CLVS2: variants seen among roughly 807,000 people sequenced by gnomAD.
CLVS2 encodes the protein clavesin-2.
A neutral mutation model predicts 29.0 loss-of-function variants in CLVS2; 19 were observed. The observed-to-expected ratio is 0.66, with a 90% confidence interval of 0.46 to 0.96. The LOEUF (loss-of-function observed/expected upper bound fraction) is 0.96, where lower values mean the gene tolerates loss of function less well. Among genes scored for constraint, CLVS2 ranks in the 40% least tolerant of loss-of-function variants. The probability of loss-of-function intolerance (pLI) is 0.00; values close to 1 mark genes in which losing one functional copy is unlikely to be tolerated. For synonymous variants in CLVS2, 161 were observed against 151.3 expected (o/e 1.06, Z -0.47); for missense variants, 294 against 404.1 (o/e 0.73, Z 2.34).
rs1036170418 is a variant in CLVS2, at chr6:123,070,864, C to T, written c.*7103C>T. 5.9e-5 allele frequency: 9 copies of T among 151,948 alleles called. No homozygotes were observed. Among genetic ancestry groups the T allele is most frequent in the Admixed American group, 2.0e-4 (3 of 15,204 alleles). 9.4% of individuals were successfully genotyped at this position (151,948 alleles called of 1,614,324 possible). ...AAGCATGCCTCTACCTCAGGACTTT[C>T]GCATTTCTGTTCCCTTTGCCTCTAA... On this transcript the variant is annotated 3_prime_UTR_variant, in exon 6 of 6. Transcript: ENST00000275162.
intron 3 of CLVS2, among the ~76,000 whole-genome samples, chr6:123,011,360 C>T (rs944635657): frequency 2.0e-4 from 30 of 151,992 alleles, no homozygotes; most frequent in African/African-American, 7.0e-4. Context: ...GACACTAGTA[C>T]AGTGCTCCCT....
Position 123,053,826 on chromosome 6 carries a change from A to T in CLVS2, c.676-1980A>T, listed in dbSNP as rs865937403. ...AATCTGAGGATGTGTGAGAGATAGG[A>T]GAGAACTGTTAAGAAATACAACCGA... is the stretch of plus-strand genomic sequence containing the variant. On this transcript the variant is annotated intron_variant, in intron 4 of 5. Transcript: ENST00000275162. Among the ~76,000 whole-genome samples the T allele has an allele frequency of 2.0e-5, 3 of 152,144 alleles. No individual in the cohort carries two copies. In the South Asian group the frequency reaches 6.2e-4, roughly 32 times the overall value.
chr6:123,023,552 G>A (rs188741208), intron 3 of CLVS2, among the ~76,000 whole-genome samples: 73 of 152,166 alleles, frequency 4.8e-4, no homozygotes, highest in African/African-American at 1.7e-3. Context: ...CAATAATAGA[G>A]AATTGATGTA....
chr6:123,004,841 A>C (rs1040119749), intron 2 of CLVS2, among the ~76,000 whole-genome samples: 9 of 152,058 alleles, frequency 5.9e-5, no homozygotes, highest in Non-Finnish European at 1.2e-4. Context: ...TGAACCCAGG[A>C]GGTGGAGGTT....
intron 3 of CLVS2, among the ~76,000 whole-genome samples, chr6:123,026,237 A>G (rs1201251431): frequency 6.6e-6 from 1 of 152,148 alleles, no homozygotes; most frequent in Non-Finnish European, 1.5e-5. Flanking sequence ...AGGCATTGGA[A>G]TGGACACAAT....
At chr6:123,050,936 G>T (rs986826802) in intron 4 of CLVS2, among the ~76,000 whole-genome samples, 2 of 152,090 alleles carry the variant, frequency 1.3e-5, no homozygotes, top group Admixed American at 6.5e-5. Context: ...TGCACTGCTA[G>T]CATTATTCCA....
chr6:123,006,441 T>G (rs1774670414), intron 2 of CLVS2, among the ~76,000 whole-genome samples: 1 of 151,870 alleles, frequency 6.6e-6, no homozygotes. Context: ...CAATAGAGGG[T>G]AGGCAAGATT....
intron 3 of CLVS2, among the ~76,000 whole-genome samples, chr6:123,028,607 CAA>C (rs1267784927): frequency 6.6e-6 from 1 of 152,270 alleles, no homozygotes; most frequent in East Asian, 1.9e-4. Context: ...AGTTTGGCAA[CAA>C]AAGTCTTTCC....
At chr6:123,006,986 C>T (rs1009698776) in intron 2 of CLVS2, among the ~76,000 whole-genome samples, 2 of 152,086 alleles carry the variant, frequency 1.3e-5, no homozygotes, top group African/African-American at 4.8e-5. Flanking sequence ...TTCAATGCAG[C>T]GTCACAGAAC....
At chr6:123,048,584 A>G in intron 3 of CLVS2, 38 bp from the exon 4 acceptor site, 1 of 1,351,776 alleles carries the variant, frequency 7.4e-7, no homozygotes, top group Non-Finnish European at 1.1e-6. Flanking sequence ...AGTCTATTAA[A>G]GCATATTTTG....
At chr6:123,048,365 A>G (rs999442339) in intron 3 of CLVS2, among the ~76,000 whole-genome samples, 6 of 152,096 alleles carry the variant, frequency 3.9e-5, no homozygotes, top group African/African-American at 1.4e-4. Flanking sequence ...GGCTTAAACT[A>G]CGACCCTCTT....
At chr6:123,057,058 C>T (rs532613915) in intron 5 of CLVS2, among the ~76,000 whole-genome samples, 1 of 152,278 alleles carries the variant, frequency 6.6e-6, no homozygotes, top group South Asian at 2.1e-4. Context: ...CTGTCACAAA[C>T]AAGTAGATGT....
At chr6:123,035,156 T>A (rs973956824) in intron 3 of CLVS2, among the ~76,000 whole-genome samples, 2 of 152,124 alleles carry the variant, frequency 1.3e-5, no homozygotes, top group Non-Finnish European at 2.9e-5. Context: ...GTCAAATCTA[T>A]GTGGCAAAGA....
Position 122,997,577 on chromosome 6 carries a change from C to T in CLVS2, c.-201C>T, listed in dbSNP as rs1473735514. The T allele has an allele frequency of 6.6e-6, 4 of 609,182 alleles. No individual in the cohort carries two copies. Among genetic ancestry groups the T allele is most frequent in the Non-Finnish European group, 8.8e-6 (3 of 341,048 alleles). 37.7% of individuals were successfully genotyped at this position (609,182 alleles called of 1,614,324 possible). A position where few individuals can be genotyped will look rare whatever the true frequency, so the allele number is the denominator to read the frequency against. ...GGGGGCAGAGGAAGAAGTTTACACC[C>T]CCCGGCCCCCCCAGCTTTGCTGGGG... On this transcript the variant is annotated 5_prime_UTR_variant, in exon 2 of 6. Coordinates refer to ENST00000275162, the MANE Select transcript of CLVS2 (RefSeq NM_001010852.4).
chr6:123,005,769 G>T (rs1774659273), intron 2 of CLVS2, among the ~76,000 whole-genome samples: 1 of 152,136 alleles, frequency 6.6e-6, no homozygotes, highest in Admixed American at 6.5e-5. Context: ...CCACAGTGTG[G>T]CAGGACAAGG....
intron 3 of CLVS2, 61 bp from the exon 4 acceptor site, chr6:123,048,561 C>T: frequency 8.9e-7 from 1 of 1,127,250 alleles, no homozygotes; most frequent in Non-Finnish European, 1.4e-6. Flanking sequence ...TATAACCTTT[C>T]CTAAACCTTC....
intron 3 of CLVS2, among the ~76,000 whole-genome samples, chr6:123,044,172 A>G (rs1296532623): frequency 6.6e-6 from 1 of 152,140 alleles, no homozygotes; most frequent in African/African-American, 2.4e-5. Flanking sequence ...TCTTGGCTGC[A>G]CTCTTCCTGA....
At chr6:122,996,997 G>A (rs952680389) in intron 1 of CLVS2, among the ~76,000 whole-genome samples, 3 of 151,456 alleles carry the variant, frequency 2.0e-5, no homozygotes, top group African/African-American at 7.3e-5. Flanking sequence ...TGGTACCAAC[G>A]CCACCAGAAC....
At chr6:123,018,160 G>T (rs906792342) in intron 3 of CLVS2, among the ~76,000 whole-genome samples, 2 of 152,044 alleles carry the variant, frequency 1.3e-5, no homozygotes, top group Non-Finnish European at 2.9e-5. Context: ...CAAAGCATAT[G>T]AACTACTCTG....
Sources: allele counts gnomAD v4.1 joint callset (sites outside exome capture counted in the v4.1 genomes callset), GRCh38; gene constraint gnomAD v4.1.1; transcripts MANE v1.5; gene names NCBI Gene and HGNC (gene_info 2026-07-23, HGNC 2026-07-21).